Variants in MAP2K5 observed in about 807,000 individuals in gnomAD.
The protein encoded by MAP2K5 is dual specificity mitogen-activated protein kinase kinase 5.
MAP2K5 carries 49 observed loss-of-function variants against 83.1 expected under a neutral mutation model. The ratio of observed to expected loss-of-function variants is 0.59; its 90% confidence interval spans 0.47 to 0.75. The LOEUF (loss-of-function observed/expected upper bound fraction) is 0.75, where lower values mean the gene tolerates loss of function less well. Among genes scored for constraint, MAP2K5 ranks in the 30% least tolerant of loss-of-function variants. The pLI is 0.00. For missense variants in MAP2K5, 457 were observed against 557.5 expected (o/e 0.82, Z 1.82); for synonymous variants, 202 against 191.8 (o/e 1.05, Z -0.44).
chr15:67,567,458 G>A (rs957393345), intron 3 of MAP2K5, among the ~76,000 whole-genome samples: 21 of 149,012 alleles, frequency 1.4e-4, no homozygotes, highest in Admixed American at 5.4e-4. Flanking sequence ...TCCGCTTCCC[G>A]GGTTCACGCC....
In MAP2K5 at chr15:67,786,454, C is replaced by G. The variant is rs1466415635; in HGVS notation, c.1242+13702C>G. ...ATTTGTTGTCCAGGTCTGTGAGGTG[C>G]CATGATGGGTTCAGAAAGAATATAA... On this transcript the variant is annotated intron_variant, in intron 21 of 21. Transcript: ENST00000178640. This position sits in a 1 kb window ranked among gnomAD's most constrained non-coding sequence, Gnocchi z 4.7. Among the ~76,000 whole-genome samples the G allele has an allele frequency of 6.6e-6, 1 of 151,914 alleles. No homozygotes were observed. Among genetic ancestry groups the G allele is most frequent in the Non-Finnish European group, 1.5e-5 (1 of 67,952 alleles).
intron 11 of MAP2K5, among the ~76,000 whole-genome samples, chr15:67,657,867 C>A (rs575680226): frequency 5.9e-5 from 9 of 152,036 alleles, no homozygotes; most frequent in African/African-American, 2.2e-4. Flanking sequence ...TGAAAATATT[C>A]ACATTTGCAT....
intron 8 of MAP2K5, among the ~76,000 whole-genome samples, chr15:67,615,204 GC>G (rs1355725517): frequency 6.6e-6 from 1 of 152,068 alleles, no homozygotes; most frequent in African/African-American, 2.4e-5. Flanking sequence ...CACCATGTTG[GC>G]CAGGCTAATC....
At chr15:67,742,800 A>T (rs2089523725) in intron 17 of MAP2K5, among the ~76,000 whole-genome samples, 1 of 152,234 alleles carries the variant, frequency 6.6e-6, no homozygotes, top group Admixed American at 6.5e-5. Context: ...CAACAGGAAG[A>T]TTTACTTTGG....
At chr15:67,661,125 T>C (rs6494680) in intron 12 of MAP2K5, among the ~76,000 whole-genome samples, 150,899 of 152,070 alleles carry the variant, frequency 0.99, 74,886 homozygotes, top group Middle Eastern at 1. Context: ...TTCAAATTTT[T>C]TCTTGTAAAA....
chr15:67,805,485 G>A (rs558540206), intron 21 of MAP2K5, among the ~76,000 whole-genome samples: 64 of 152,360 alleles, frequency 4.2e-4, no homozygotes, highest in Non-Finnish European at 8.4e-4. Flanking sequence ...TCTTTAAGCA[G>A]CCTCTCTAGG....
chr15:67,798,379 C>T (rs911897773), intron 21 of MAP2K5, among the ~76,000 whole-genome samples: 3 of 152,228 alleles, frequency 2.0e-5, no homozygotes, highest in Non-Finnish European at 4.4e-5. Flanking sequence ...ACAATTCTGC[C>T]ATTCACAAGG....
chr15:67,598,990 A>G (rs1428166927), intron 7 of MAP2K5, among the ~76,000 whole-genome samples: 2 of 152,192 alleles, frequency 1.3e-5, no homozygotes, highest in African/African-American at 4.8e-5. Context: ...CCAGTGGCCT[A>G]TTTGTGCCCA....
rs377246048 is a variant in MAP2K5, at chr15:67,768,546, G to C, written c.1135-1056G>C. ...TGGCCAAAGCACTCCAAAGCACAGT[G>C]AGATTAAAATAAGTCATTCCTTTGT... On this transcript the variant is annotated intron_variant, in intron 19 of 21. Transcript: ENST00000178640. This position sits in a 1 kb window ranked among gnomAD's most constrained non-coding sequence, Gnocchi z 4.0. 4.1e-4 allele frequency among the ~76,000 whole-genome samples: 63 copies of C among 152,284 alleles called. No homozygotes were observed. The highest frequency in any genetic ancestry group is 1.4e-3 in the African/African-American group (57 of 41,558).
intron 21 of MAP2K5, among the ~76,000 whole-genome samples, chr15:67,791,305 T>TA (rs1336608625): frequency 6.6e-6 from 1 of 152,200 alleles, no homozygotes; most frequent in African/African-American, 2.4e-5. Context: ...TCAAATCACC[T>TA]GTTTCATATT....
intron 8 of MAP2K5, among the ~76,000 whole-genome samples, chr15:67,606,573 AAG>A (rs2141035745): frequency 6.6e-6 from 1 of 152,310 alleles, no homozygotes; most frequent in East Asian, 1.9e-4. Context: ...CTTATCTAAA[AAG>A]AGGTATTTGC....
intron 14 of MAP2K5, 42 bp downstream of exon 14, chr15:67,692,594 AACCCCTTTATATTTTC>A: frequency 4.1e-6 from 6 of 1,448,642 alleles, no homozygotes; most frequent in Non-Finnish European, 5.8e-6. Context: ...TCTCTGCAAC[AACCCCTTTATATTTTC>A]ATTCTGTTCT....
intron 2 of MAP2K5, among the ~76,000 whole-genome samples, chr15:67,550,960 C>T (rs1045037637): frequency 1.3e-5 from 2 of 152,176 alleles, no homozygotes; most frequent in Middle Eastern, 3.4e-3. Context: ...TTAGTAGAGA[C>T]AGGGTTTTGC....
At chr15:67,754,856 G>A (rs370844577) in intron 19 of MAP2K5, among the ~76,000 whole-genome samples, 1 of 152,162 alleles carries the variant, frequency 6.6e-6, no homozygotes. Context: ...CTGTAGCCAA[G>A]GGATATGCTT....
intron 16 of MAP2K5, among the ~76,000 whole-genome samples, chr15:67,721,743 G>T (rs2088964252): frequency 6.6e-6 from 1 of 152,138 alleles, no homozygotes; most frequent in South Asian, 2.1e-4. Context: ...GTGAAAATAA[G>T]CATAAATTGA....
intron 9 of MAP2K5, chr15:67,641,702 A>C (rs962891218): frequency 4.0e-5 from 31 of 773,550 alleles, no homozygotes; most frequent in Middle Eastern, 6.3e-4. Flanking sequence ...GGAATGCTTC[A>C]TATTCAAATT....
chr15:67,795,552 T>C (rs1412322379), intron 21 of MAP2K5, among the ~76,000 whole-genome samples: 1 of 152,248 alleles, frequency 6.6e-6, no homozygotes, highest in East Asian at 1.9e-4. Flanking sequence ...GGTTATTACC[T>C]AATTTTAATC....
Position 67,713,449 on chromosome 15 carries a change from G to A in MAP2K5, c.1044+10041G>A, listed in dbSNP as rs116129664. Reference sequence around the variant, plus strand: ...TGTAAATAAAAGTATTTAAAAGGTGGCATGGGCCATGTGTGGTAGCTCACA... The same window carrying A: ...TGTAAATAAAAGTATTTAAAAGGTGACATGGGCCATGTGTGGTAGCTCACA... On this transcript the variant is annotated intron_variant, in intron 16 of 21. Coordinates refer to ENST00000178640, the MANE Select transcript of MAP2K5 (RefSeq NM_145160.3). 5.9e-3 allele frequency among the ~76,000 whole-genome samples: 903 copies of A among 152,312 alleles called. 5 individuals are homozygous for A. Among genetic ancestry groups the A allele is most frequent in the African/African-American group, 0.02 (842 of 41,568 alleles).
rs569690807 is a variant in MAP2K5, at chr15:67,562,908, A to C, written c.185-375A>C. ...CCTGGGAGAGAGGAAGAATGGAGAA[A>C]TCGGGGTATGGTGCTGTTTGGGAGA... On this transcript the variant is annotated intron_variant, in intron 2 of 21. Coordinates refer to ENST00000178640, the MANE Select transcript of MAP2K5 (RefSeq NM_145160.3). The surrounding 1 kb of genome is among the most constrained non-coding windows in gnomAD (Gnocchi z 4.1). Among the ~76,000 whole-genome samples, 2 of 152,196 alleles carry C rather than the reference A, an allele frequency of 1.3e-5. No individual in the cohort carries two copies. Among genetic ancestry groups the C allele is most frequent in the African/African-American group, 2.4e-5 (1 of 41,540 alleles).
Sources: allele counts gnomAD v4.1 joint callset (sites outside exome capture counted in the v4.1 genomes callset), GRCh38; gene constraint gnomAD v4.1.1; non-coding constraint Gnocchi (gnomAD v3.1); transcripts MANE v1.5; gene names NCBI Gene and HGNC (gene_info 2026-07-23, HGNC 2026-07-21).